FAM135B: variants seen among roughly 807,000 people sequenced by gnomAD.
FAM135B encodes the protein family with sequence similarity 135 member B, also known as protein FAM135B.
FAM135B carries 43 observed loss-of-function variants against 127.7 expected under a neutral mutation model. The ratio of observed to expected loss-of-function variants is 0.34; its 90% confidence interval spans 0.26 to 0.43. The LOEUF (loss-of-function observed/expected upper bound fraction) is 0.43. Ranked by LOEUF, FAM135B falls within the 20% of genes least tolerant of loss-of-function variation. FAM135B has a pLI of 1.00. For missense variants in FAM135B, 1,558 were observed against 1,725.6 expected, an observed-to-expected ratio of 0.90 and a Z score of 1.72; for synonymous variants, 670 against 665.1, an observed-to-expected ratio of 1.01 and a Z score of -0.11.
intron 3 of FAM135B, among the ~76,000 whole-genome samples, chr8:138,297,306 C>T (rs1825546701): frequency 6.6e-6 from 1 of 151,998 alleles, no homozygotes; most frequent in Admixed American, 6.6e-5. Context: ...CTAAGTAAAT[C>T]TGCAACATGA....
chr8:138,269,416 A>G (rs1823194645), intron 3 of FAM135B, among the ~76,000 whole-genome samples: 1 of 152,214 alleles, frequency 6.6e-6, no homozygotes, highest in Non-Finnish European at 1.5e-5. Context: ...CTCTGCCTGC[A>G]TGTAGGAGAT....
intron 2 of FAM135B, among the ~76,000 whole-genome samples, chr8:138,330,739 T>C (rs921805063): frequency 6.6e-6 from 1 of 152,000 alleles, no homozygotes; most frequent in Non-Finnish European, 1.5e-5. Context: ...TCTCATTACC[T>C]CCCCTCTGCA....
intron 1 of FAM135B, among the ~76,000 whole-genome samples, chr8:138,392,216 C>T (rs958580362): frequency 2.6e-5 from 4 of 152,220 alleles, no homozygotes; most frequent in Non-Finnish European, 4.4e-5. Context: ...CTTCTGGCCC[C>T]AGGCCCGGGA....
chr8:138,256,868 C>A, intron 4 of FAM135B, 109 bp from the exon 5 acceptor site: 2 of 808,806 alleles, frequency 2.5e-6, no homozygotes, highest in East Asian at 2.7e-5. Context: ...GTCCAAAAAT[C>A]AATGTCATTT....
chr8:138,180,359 T>C (rs1433219430), intron 9 of FAM135B, among the ~76,000 whole-genome samples: 2 of 152,196 alleles, frequency 1.3e-5, no homozygotes, highest in African/African-American at 2.4e-5. Context: ...GAGTTAACAA[T>C]TAAAAGTGCC....
intron 1 of FAM135B, among the ~76,000 whole-genome samples, chr8:138,456,522 A>G (rs896902460): frequency 2.6e-5 from 4 of 152,172 alleles, no homozygotes; most frequent in Admixed American, 1.3e-4. Flanking sequence ...AGAAGGCATT[A>G]TCTAATGCTT....
intron 1 of FAM135B, among the ~76,000 whole-genome samples, chr8:138,369,987 C>T (rs1831011881): frequency 6.6e-6 from 1 of 152,054 alleles, no homozygotes; most frequent in African/African-American, 2.4e-5. Context: ...AACAATGCAC[C>T]CCAAGAGTGC....
At chr8:138,411,277 G>T (rs4262328) in intron 1 of FAM135B, among the ~76,000 whole-genome samples, 1 of 151,908 alleles carries the variant, frequency 6.6e-6, no homozygotes, top group African/African-American at 2.4e-5. Flanking sequence ...GCATGGTACT[G>T]GTACCGAAAC....
At chr8:138,246,659 G>A (rs1308676114) in intron 6 of FAM135B, among the ~76,000 whole-genome samples, 1 of 152,186 alleles carries the variant, frequency 6.6e-6, no homozygotes. Flanking sequence ...AGTGCAGAAG[G>A]GAAATATAGG....
At position 138,245,590 on chromosome 8, in the gene FAM135B, C is replaced by T. The variant is rs540955711; in HGVS notation, c.543-2522G>A. ...GTTTCCTGAGGCCACCTCTGCCCCGCAGAACTGTGAATCAATTAAACCTCT... is the reference window on the plus strand; with the variant it reads ...GTTTCCTGAGGCCACCTCTGCCCCGTAGAACTGTGAATCAATTAAACCTCT... On this transcript the variant is annotated intron_variant, in intron 6 of 19. Transcript: ENST00000395297. 2.6e-5 allele frequency among the ~76,000 whole-genome samples: 4 copies of T among 152,316 alleles called. No individual in the cohort carries two copies. In the East Asian group the frequency reaches 7.7e-4, roughly 29 times the overall value.
chr8:138,254,965 A>G (rs1821965115), intron 5 of FAM135B, among the ~76,000 whole-genome samples: 1 of 151,960 alleles, frequency 6.6e-6, no homozygotes, highest in African/African-American at 2.4e-5. Context: ...AATGGATTAG[A>G]CAGATTTCAG....
intron 1 of FAM135B, among the ~76,000 whole-genome samples, chr8:138,487,807 G>A (rs1815040902): frequency 6.6e-6 from 1 of 152,104 alleles, no homozygotes; most frequent in East Asian, 1.9e-4. Flanking sequence ...TTCAAGACCA[G>A]CCTCGCCAAC....
intron 7 of FAM135B, among the ~76,000 whole-genome samples, chr8:138,223,149 G>A (rs1338161305): frequency 6.6e-6 from 1 of 152,184 alleles, no homozygotes; most frequent in African/African-American, 2.4e-5. Flanking sequence ...GTTCCGAAAT[G>A]TCAGTGGTGA....
At chr8:138,162,675 G>C (rs1325345410) in intron 12 of FAM135B, among the ~76,000 whole-genome samples, 1 of 152,204 alleles carries the variant, frequency 6.6e-6, no homozygotes, top group Non-Finnish European at 1.5e-5. Context: ...TATGAAATGA[G>C]CTTCTTCAGA....
chr8:138,357,253 T>C (rs1180669732), intron 2 of FAM135B, among the ~76,000 whole-genome samples: 2 of 152,168 alleles, frequency 1.3e-5, no homozygotes, highest in South Asian at 4.1e-4. Context: ...AAATGCATTA[T>C]AATATTAAAA....
At position 138,151,908 on chromosome 8, in the gene FAM135B, T is replaced by A. The variant is rs764272040; in HGVS notation, c.2567A>T (p.Asp856Val). 2.5e-6 allele frequency: 4 copies of A among 1,614,164 alleles called. No individual in the cohort carries two copies. The highest frequency in any genetic ancestry group is 3.4e-6 in the Non-Finnish European group (4 of 1,180,040). Residue 856 changes from aspartate (D) to valine (V), a missense_variant, in exon 13 of 20, where the codon GAT (aspartate) becomes GTT (valine). This residue lies in a region of FAM135B where 923 missense variants were observed against 865.3 expected (regional missense o/e 1.07). Coordinates refer to ENST00000395297, the MANE Select transcript of FAM135B (RefSeq NM_015912.4). ...ATCAGGAAGACAGTGTCCTTGAGCA[T>A]CAAACTGCTTCCCTTTCCCTTTGGG... is the stretch of plus-strand genomic sequence containing the variant. ...DIPKGKGKQF[D>V]AQGHCLPDGR...
chr8:138,430,474 C>T (rs1835136572), intron 1 of FAM135B, among the ~76,000 whole-genome samples: 1 of 152,204 alleles, frequency 6.6e-6, no homozygotes, highest in African/African-American at 2.4e-5. Context: ...CCACATCCAG[C>T]TTGGGAGCTC....
Position 138,243,360 on chromosome 8 carries a change from T to C in FAM135B, c.543-292A>G, listed in dbSNP as rs1002423961. The stretch of plus-strand genomic sequence containing the variant: ...CCTGTAAGAAACACTGAAGCAGAGC[T>C]CCAAGCTTATATCACTAGAGGGGAA... On this transcript the variant is annotated intron_variant, in intron 6 of 19. Transcript: ENST00000395297. The surrounding 1 kb of genome is among the most constrained non-coding windows in gnomAD (Gnocchi z 7.5). Among the ~76,000 whole-genome samples, 16 of 152,126 alleles carry C rather than the reference T, an allele frequency of 1.1e-4. No individual in the cohort carries two copies. The highest frequency in any genetic ancestry group is 1.9e-4 in the Non-Finnish European group (13 of 68,032).
chr8:138,181,346 T>A (rs962587896), intron 9 of FAM135B, among the ~76,000 whole-genome samples: 1 of 152,190 alleles, frequency 6.6e-6, no homozygotes, highest in African/African-American at 2.4e-5. Context: ...TTGGATGAAC[T>A]GTAAGTGACT....
Sources: gnomAD v4.1 joint callset for allele counts (sites outside exome capture counted in the v4.1 genomes callset) on GRCh38, gnomAD v4.1.1 for gene constraint, gnomAD v4.1.1 regional missense constraint, Gnocchi (gnomAD v3.1) non-coding constraint, MANE v1.5 for transcripts, NCBI Gene and HGNC (gene_info 2026-07-23, HGNC 2026-07-21) for gene names.